The following CDH4 variants were observed in gnomAD, a reference collection of about 807,000 sequenced individuals.
The protein encoded by CDH4 is cadherin 4.
CDH4 carries 33 observed loss-of-function variants against 86.0 expected under a neutral mutation model. The ratio of observed to expected loss-of-function variants is 0.38; its 90% CI spans 0.29 to 0.51. CDH4 has a LOEUF of 0.51. Ranked by LOEUF, CDH4 falls within the 20% of genes least tolerant of loss-of-function variation. The pLI, the probability that CDH4 is intolerant of heterozygous loss-of-function variation, is 0.86. For synonymous variants in CDH4, 555 were observed against 549.4 expected, an observed-to-expected ratio of 1.01 and a Z score of -0.14; for missense variants, 1,114 against 1,307.4, an observed-to-expected ratio of 0.85 and a Z score of 2.28.
rs1019350209 is a variant in CDH4, at chr20:61,832,607, C to T, written c.577-12061C>T. 2.0e-5 allele frequency among the ~76,000 whole-genome samples: 3 copies of T among 152,118 alleles called. 1 individual carries two copies. Among genetic ancestry groups the T allele is most frequent in the African/African-American group, 2.4e-5 (1 of 41,500 alleles). On this transcript the variant is annotated intron_variant, in intron 4 of 15. Transcript: ENST00000614565. ...CACATGGAGGCAGGAGAGAGAAGTG[C>T]GAGCAGGGGACACGCCAGACACTTA... is the stretch of plus-strand genomic sequence containing the variant.
At chr20:61,707,155 G>T (rs917789428) in intron 2 of CDH4, among the ~76,000 whole-genome samples, 6 of 152,240 alleles carry the variant, frequency 3.9e-5, no homozygotes, top group Non-Finnish European at 8.8e-5. Context: ...CCCCATGAGC[G>T]CATGGCGGGG....
At chr20:61,726,892 A>G (rs375309827) in intron 2 of CDH4, among the ~76,000 whole-genome samples, 7 of 151,160 alleles carry the variant, frequency 4.6e-5, no homozygotes, top group African/African-American at 1.7e-4. Context: ...CATTGGTGCC[A>G]TCATCATCAC....
chr20:61,598,979 C>G (rs921600963), intron 2 of CDH4, among the ~76,000 whole-genome samples: 1 of 152,204 alleles, frequency 6.6e-6, no homozygotes, highest in Non-Finnish European at 1.5e-5. Context: ...AACACGAGTC[C>G]CTCAGTGGTC....
chr20:61,797,108 G>A (rs957712549), intron 4 of CDH4, among the ~76,000 whole-genome samples: 25 of 151,786 alleles, frequency 1.6e-4, no homozygotes, highest in African/African-American at 5.8e-4. Context: ...ACACTGGCCA[G>A]CTCCTGGTGG....
chr20:61,789,073 C>T (rs1979027457), intron 4 of CDH4, among the ~76,000 whole-genome samples: 1 of 152,118 alleles, frequency 6.6e-6, no homozygotes, highest in Non-Finnish European at 1.5e-5. Flanking sequence ...CAGAAAGTCT[C>T]GTCTGACACA....
At chr20:61,936,683 C>A in intron 15 of CDH4, 54 bp from the exon 16 acceptor site, 2 of 1,407,926 alleles carry the variant, frequency 1.4e-6, no homozygotes, top group Non-Finnish European at 1.9e-6. Flanking sequence ...TCCATCTGAT[C>A]CCGGGGCTGA....
At chr20:61,619,254 GC>G (rs2086750197) in intron 2 of CDH4, among the ~76,000 whole-genome samples, 1 of 152,002 alleles carries the variant, frequency 6.6e-6, no homozygotes, top group Non-Finnish European at 1.5e-5. Flanking sequence ...CCCAGCCCCA[GC>G]CCCAGCTGCC....
chr20:61,775,874 C>G (rs975972141), intron 4 of CDH4, among the ~76,000 whole-genome samples: 10 of 152,308 alleles, frequency 6.6e-5, no homozygotes, highest in African/African-American at 2.2e-4. Context: ...GAATTTCTTC[C>G]TCAGCTCTGC....
At chr20:61,294,625 C>A (rs1374846886) in intron 2 of CDH4, among the ~76,000 whole-genome samples, 1 of 152,216 alleles carries the variant, frequency 6.6e-6, no homozygotes, top group African/African-American at 2.4e-5. Flanking sequence ...ACTGCTCTTT[C>A]CCCAGGCCTT....
chr20:61,558,285 G>T (rs983151818), intron 2 of CDH4, among the ~76,000 whole-genome samples: 1 of 152,044 alleles, frequency 6.6e-6, no homozygotes, highest in African/African-American at 2.4e-5. Flanking sequence ...GGGCAGAGTT[G>T]GTCCCAAATC....
Position 61,646,591 on chromosome 20 carries a change from C to T in CDH4, c.170-96972C>T, listed in dbSNP as rs376299185. On this transcript the variant is annotated intron_variant, in intron 2 of 15. Coordinates refer to ENST00000614565, the MANE Select transcript of CDH4 (RefSeq NM_001794.5). The stretch of plus-strand genomic sequence containing the variant: ...TTGCTGTGGGGGATCCCTGGGGGGA[C>T]GAAGGTAAAGAGGGGCCGTGCCCTG... Among the ~76,000 whole-genome samples, 4 of 152,276 alleles carry T rather than the reference C, an allele frequency of 2.6e-5. No homozygotes were observed. In the South Asian group the frequency reaches 8.3e-4, roughly 32 times the overall value.
intron 2 of CDH4, among the ~76,000 whole-genome samples, chr20:61,328,647 A>G (rs1342850863): frequency 1.3e-5 from 2 of 151,982 alleles, no homozygotes; most frequent in African/African-American, 4.8e-5. Context: ...CTAGCTGGGC[A>G]TGGTGTCATG....
intron 2 of CDH4, among the ~76,000 whole-genome samples, chr20:61,714,445 C>T (rs6142833): frequency 2.7e-5 from 1 of 36,368 alleles, no homozygotes; most frequent in African/African-American, 1.3e-4. Context: ...TTCCAGTAGC[C>T]TTAGGGATAC....
At chr20:61,785,786 G>A (rs1001203440) in intron 4 of CDH4, among the ~76,000 whole-genome samples, 1 of 152,190 alleles carries the variant, frequency 6.6e-6, no homozygotes, top group African/African-American at 2.4e-5. Context: ...GGCCAGCTTA[G>A]CCACTTAGCC....
intron 2 of CDH4, among the ~76,000 whole-genome samples, chr20:61,727,162 A>G (rs1032162908): frequency 6.6e-5 from 10 of 152,028 alleles, no homozygotes; most frequent in African/African-American, 2.4e-4. Flanking sequence ...CAGAGTCATC[A>G]TCATCAACAC....
At chr20:61,715,361 A>T (rs1361741407) in intron 2 of CDH4, among the ~76,000 whole-genome samples, 3 of 152,116 alleles carry the variant, frequency 2.0e-5, no homozygotes, top group African/African-American at 7.2e-5. Flanking sequence ...ATTTATGGAG[A>T]AAAGTGTATT....
rs977776926 is a variant in CDH4 at position 61,940,408 on chromosome 20, G to A, written c.*3465G>A. ...AAACGTTCCACCTTTTTTTGTAATC[G>A]TCAACAGCACAACTATTTTGTATTG... On this transcript the variant is annotated 3_prime_UTR_variant, in exon 16 of 16. Coordinates refer to ENST00000614565, the MANE Select transcript of CDH4 (RefSeq NM_001794.5). 4 of 150,766 alleles carry A rather than the reference G, an allele frequency of 2.7e-5. No homozygotes were observed. The highest frequency in any genetic ancestry group is 6.6e-5 in the Admixed American group (1 of 15,142). 9.3% of individuals were successfully genotyped at this position (150,766 alleles called of 1,614,324 possible).
intron 2 of CDH4, among the ~76,000 whole-genome samples, chr20:61,524,488 C>CTTT (rs113607238): frequency 6.9e-6 from 1 of 145,788 alleles, no homozygotes. Flanking sequence ...GAATATTACA[C>CTTT]TTTTTTTTTT....
chr20:61,564,078 C>T (rs921262549), intron 2 of CDH4, among the ~76,000 whole-genome samples: 2 of 152,142 alleles, frequency 1.3e-5, no homozygotes, highest in Non-Finnish European at 2.9e-5. Flanking sequence ...GTGAGGACAG[C>T]GTTTGTGTTT....
Sources: gnomAD v4.1 joint callset for allele counts (sites outside exome capture counted in the v4.1 genomes callset) on GRCh38, gnomAD v4.1.1 for gene constraint, MANE v1.5 for transcripts, NCBI Gene and HGNC (gene_info 2026-07-23, HGNC 2026-07-21) for gene names.